Variants in ELAVL4 observed in about 807,000 individuals in gnomAD.
The protein encoded by ELAVL4 is ELAV like RNA binding protein 4.
ELAVL4 carries 1 observed loss-of-function variant against 35.6 expected under a neutral mutation model. That is an observed-to-expected ratio of 0.03 (90% CI 0.01 to 0.13). The LOEUF (loss-of-function observed/expected upper bound fraction) is 0.13. Ranked by LOEUF, ELAVL4 falls within the 10% of genes least tolerant of loss-of-function variation. The probability of loss-of-function intolerance (pLI) is 1.00; values close to 1 mark genes in which losing one functional copy is unlikely to be tolerated. For synonymous variants in ELAVL4, 156 were observed against 171.0 expected, an observed-to-expected ratio of 0.91 and a Z score of 0.69; for missense variants, 267 against 464.9, an observed-to-expected ratio of 0.57 and a Z score of 3.91.
intron 2 of ELAVL4, among the ~76,000 whole-genome samples, chr1:50,147,194 G>A (rs1287799381): frequency 1.3e-5 from 2 of 152,046 alleles, no homozygotes; most frequent in African/African-American, 2.4e-5. Flanking sequence ...TTAAATTCAG[G>A]CCCAAAAAAT....
chr1:50,154,269 C>T (rs1338689432), intron 2 of ELAVL4, among the ~76,000 whole-genome samples: 1 of 152,196 alleles, frequency 6.6e-6, no homozygotes, highest in Non-Finnish European at 1.5e-5. Context: ...ACTAACTCTA[C>T]CTAACACAGA....
chr1:50,144,778 G>A (rs780214078), intron 1 of ELAVL4, 179 bp from the exon 2 acceptor site: 7 of 900,320 alleles, frequency 7.8e-6, no homozygotes, highest in African/African-American at 1.6e-5. Flanking sequence ...AATAGAAAGA[G>A]GAGTTTAACA....
intron 1 of ELAVL4, among the ~76,000 whole-genome samples, chr1:50,140,740 A>G (rs1305473904): frequency 1.3e-5 from 2 of 152,152 alleles, no homozygotes; most frequent in Non-Finnish European, 2.9e-5. Context: ...CTCTCTTTGT[A>G]TGTGTCCATT....
chr1:50,197,624 G>A, intron 6 of ELAVL4, 157 bp downstream of exon 6: 1 of 619,022 alleles, frequency 1.6e-6, no homozygotes, highest in South Asian at 3.0e-5. Context: ...TCGGACCTCA[G>A]TTGATTTTGT....
At chr1:50,072,220 G>A (rs1372231375) in intron 1 of ELAVL4, among the ~76,000 whole-genome samples, 1 of 152,144 alleles carries the variant, frequency 6.6e-6, no homozygotes, top group Non-Finnish European at 1.5e-5. Flanking sequence ...AAATAAATAA[G>A]CAAATTGACT....
At chr1:50,195,964 C>T (rs1050213044) in intron 5 of ELAVL4, among the ~76,000 whole-genome samples, 178 bp downstream of exon 5, 5 of 152,190 alleles carry the variant, frequency 3.3e-5, no homozygotes, top group Admixed American at 6.5e-5. Flanking sequence ...ACAGTTGGAG[C>T]AGATGCCCTT....
At chr1:50,057,018 A>G (rs935752054) in intron 1 of ELAVL4, among the ~76,000 whole-genome samples, 1 of 152,188 alleles carries the variant, frequency 6.6e-6, no homozygotes, top group Non-Finnish European at 1.5e-5. Context: ...TTATTTCAAA[A>G]TAAGGCATTG....
intron 3 of ELAVL4, among the ~76,000 whole-genome samples, chr1:50,189,062 T>C (rs564080403): frequency 1.3e-5 from 2 of 152,320 alleles, no homozygotes; most frequent in South Asian, 4.1e-4. Flanking sequence ...TGAACTCCCA[T>C]CTTCTAATGC....
intron 2 of ELAVL4, among the ~76,000 whole-genome samples, chr1:50,157,377 T>C (rs1675948695): frequency 6.6e-6 from 1 of 152,208 alleles, no homozygotes; most frequent in African/African-American, 2.4e-5. Flanking sequence ...ACCTATAAGA[T>C]AGGACATTGT....
At chr1:50,053,931 G>A (rs1376111440) in intron 1 of ELAVL4, among the ~76,000 whole-genome samples, 2 of 152,154 alleles carry the variant, frequency 1.3e-5, no homozygotes, top group Non-Finnish European at 2.9e-5. Flanking sequence ...AACAAAACTT[G>A]ATGAAGATGA....
intron 1 of ELAVL4, among the ~76,000 whole-genome samples, chr1:50,118,860 A>G (rs969519973): frequency 4.0e-5 from 6 of 150,106 alleles, no homozygotes; most frequent in African/African-American, 7.3e-5. Flanking sequence ...TTTTTCTTCA[A>G]TGTAATCCTT....
At chr1:50,126,084 G>A (rs769626572) in intron 1 of ELAVL4, among the ~76,000 whole-genome samples, 1 of 152,088 alleles carries the variant, frequency 6.6e-6, no homozygotes, top group East Asian at 1.9e-4. Context: ...AGTCCCCCTA[G>A]GGTGTGCATT....
chr1:50,076,514 G>C (rs919010523), intron 1 of ELAVL4, among the ~76,000 whole-genome samples: 1 of 152,108 alleles, frequency 6.6e-6, no homozygotes, highest in Non-Finnish European at 1.5e-5. Flanking sequence ...TATTGTGTTA[G>C]GTACTATCTC....
chr1:50,106,130 T>C (rs1400071728), upstream of ELAVL4: 2 of 449,014 alleles, frequency 4.5e-6, no homozygotes, highest in African/African-American at 3.9e-5. Context: ...TCTTTTTTTA[T>C]TTGCAGTTTC....
chr1:50,158,100 A>G (rs1272987112), intron 2 of ELAVL4, among the ~76,000 whole-genome samples: 2 of 152,216 alleles, frequency 1.3e-5, no homozygotes, highest in Non-Finnish European at 2.9e-5. Context: ...TTTATCATTT[A>G]TAAAATAGTG....
At chr1:50,117,408 G>GGT (rs1668141908) in intron 1 of ELAVL4, among the ~76,000 whole-genome samples, 1 of 152,084 alleles carries the variant, frequency 6.6e-6, no homozygotes, top group Non-Finnish European at 1.5e-5. Flanking sequence ...GGAACATCAC[G>GGT]GTGTGCCTGT....
intron 2 of ELAVL4, among the ~76,000 whole-genome samples, chr1:50,163,113 C>T (rs2988282): frequency 0.014 from 2,207 of 152,294 alleles, 62 homozygotes; most frequent in African/African-American, 0.05. Context: ...AATGGGTGCT[C>T]ATTGTGTCCT....
upstream of ELAVL4, among the ~76,000 whole-genome samples, chr1:50,101,592 C>A (rs1027134880): frequency 4.7e-5 from 1 of 21,114 alleles, no homozygotes; most frequent in South Asian, 2.8e-3. Flanking sequence ...CTGTGCCCAT[C>A]TTTCTCACTG....
intron 1 of ELAVL4, among the ~76,000 whole-genome samples, chr1:50,083,506 C>T (rs1318326198): frequency 6.6e-6 from 1 of 152,188 alleles, no homozygotes; most frequent in Non-Finnish European, 1.5e-5. Context: ...TCAGGTATGT[C>T]TGACTTCAAA....
Sources: allele counts gnomAD v4.1 joint callset (sites outside exome capture counted in the v4.1 genomes callset), GRCh38; gene constraint gnomAD v4.1.1; transcripts MANE v1.5; gene names NCBI Gene and HGNC (gene_info 2026-07-23, HGNC 2026-07-21).